ST3GAL6: variants seen among roughly 807,000 people sequenced by gnomAD.
The protein encoded by ST3GAL6 is ST3 beta-galactoside alpha-2,3-sialyltransferase 6, also known as type 2 lactosamine alpha-2,3-sialyltransferase.
ST3GAL6 carries 31 observed loss-of-function variants against 40.5 expected under a neutral mutation model. The ratio of observed to expected loss-of-function variants is 0.77; its 90% confidence interval spans 0.58 to 1.03. The LOEUF is 1.03. Among genes scored for constraint, ST3GAL6 ranks in the 50% least tolerant of loss-of-function variants. ST3GAL6 has a pLI of 0.00. For missense variants in ST3GAL6, 357 were observed against 393.2 expected, an observed-to-expected ratio of 0.91 and a Z score of 0.78; for synonymous variants, 129 against 136.9, an observed-to-expected ratio of 0.94 and a Z score of 0.40.
At chr3:98,784,756 C>T (rs1379890925) in intron 5 of ST3GAL6, among the ~76,000 whole-genome samples, 189 bp from the exon 6 acceptor site, 4 of 152,192 alleles carry the variant, frequency 2.6e-5, no homozygotes, top group Non-Finnish European at 4.4e-5. Context: ...TATGCTCTTC[C>T]TATAGAATGT....
chr3:98,761,175 T>C (rs1004167117), upstream of ST3GAL6, among the ~76,000 whole-genome samples: 41 of 152,126 alleles, frequency 2.7e-4, no homozygotes, highest in African/African-American at 9.9e-4. Flanking sequence ...CGAATTTTAG[T>C]GTATAAAAAT....
At chr3:98,748,476 A>AT (rs1167285236) in intron 1 of ST3GAL6, among the ~76,000 whole-genome samples, 1 of 151,998 alleles carries the variant, frequency 6.6e-6, no homozygotes. Context: ...GTATTTATTT[A>AT]TTTTTTTGAG....
intron 1 of ST3GAL6, among the ~76,000 whole-genome samples, chr3:98,741,087 T>TGTGTGTGTGAGC (rs1936049253): frequency 6.7e-6 from 1 of 149,008 alleles, no homozygotes; most frequent in South Asian, 2.2e-4. Context: ...TGTGTGTGCA[T>TGTGTGTGTGAGC]GCATGTATGT....
At chr3:98,758,354 C>A (rs1279646727), upstream of ST3GAL6, among the ~76,000 whole-genome samples, 1 of 152,104 alleles carries the variant, frequency 6.6e-6, no homozygotes, top group Non-Finnish European at 1.5e-5. Flanking sequence ...TTCATGAAAC[C>A]TATTTGCCAA....
chr3:98,791,898 C>G lies in ST3GAL6; in HGVS notation c.814C>G (p.His272Asp). 1 of 1,614,038 alleles carries G rather than the reference C, an allele frequency of 6.2e-7. No homozygotes were observed. The highest frequency in any genetic ancestry group is 8.5e-7 in the Non-Finnish European group (1 of 1,179,924). Residue 272 changes from histidine (H) to aspartate (D), a missense_variant, in exon 9 of 10, where the codon CAC (histidine) becomes GAC (aspartate). Physicochemically the swap from His to Asp is moderately conservative, Grantham distance 81. Coordinates refer to ENST00000483910, the MANE Select transcript of ST3GAL6 (RefSeq NM_001323368.2). ...CATCACATTGGCGTTTTACATATGT[C>G]ACGAAGTTCACCTAGCTGGTTTTAA... The part of the protein sequence containing the change: ...IAITLAFYIC[H>D]EVHLAGFKYN...
At chr3:98,780,142 A>C (rs1347314312) in intron 5 of ST3GAL6, among the ~76,000 whole-genome samples, 2 of 152,206 alleles carry the variant, frequency 1.3e-5, no homozygotes, top group Admixed American at 1.3e-4. Flanking sequence ...GTCCTTTCAG[A>C]GTATGGGGTA....
chr3:98,765,165 T>G (rs1302024829), intron 1 of ST3GAL6, among the ~76,000 whole-genome samples: 3 of 152,194 alleles, frequency 2.0e-5, no homozygotes, highest in Admixed American at 1.3e-4. Context: ...AGTCACCTCC[T>G]TTCACCAATA....
At chr3:98,768,189 C>T (rs762799932) in intron 1 of ST3GAL6, among the ~76,000 whole-genome samples, 130 of 152,176 alleles carry the variant, frequency 8.5e-4, no homozygotes, top group Admixed American at 2.7e-3. Flanking sequence ...CCTTTGAGAC[C>T]GTGGAACTGT....
rs892573210 is a variant in ST3GAL6, at chr3:98,733,400, G to A, written c.-12+868G>A. 3.7e-5 allele frequency: 38 copies of A among 1,024,592 alleles called. No homozygotes were observed. The African/African-American group carries it at 6.3e-4, about 17-fold the overall frequency. 63.5% of individuals were successfully genotyped at this position (1,024,592 alleles called of 1,614,324 possible). On this transcript the variant is annotated intron_variant, in intron 1 of 9. Coordinates refer to the ST3GAL6 transcript ENST00000265261. ...GCCGGCGAGGTTGTGCAATTGGGAA[G>A]CCAAGAGGAGTGTCCAGCTCCTCGT...
intron 1 of ST3GAL6, among the ~76,000 whole-genome samples, chr3:98,757,201 A>G (rs1302999098): frequency 6.6e-6 from 1 of 152,238 alleles, no homozygotes; most frequent in African/African-American, 2.4e-5. Context: ...GGTTCATCAG[A>G]GAATGATTAT....
intron 1 of ST3GAL6, among the ~76,000 whole-genome samples, chr3:98,752,623 C>T (rs1406856760): frequency 2.0e-5 from 3 of 152,156 alleles, no homozygotes; most frequent in Non-Finnish European, 4.4e-5. Flanking sequence ...AGGCACCCGC[C>T]ACCATGCCTG....
chr3:98,776,474 G>A (rs2107237646), intron 5 of ST3GAL6, among the ~76,000 whole-genome samples: 1 of 152,350 alleles, frequency 6.6e-6, no homozygotes, highest in East Asian at 1.9e-4. Context: ...CCCCTGGCTT[G>A]TGAATTTGTG....
chr3:98,788,317 T>G lies in ST3GAL6; in HGVS notation c.619-9T>G, dbSNP rs557338077. ...ACACTGTTCTATTCTCTATATTTTT[T>G]ACTTTCAGAACACTAATGGTTTTTG... On this transcript the variant is annotated splice_polypyrimidine_tract_variant and intron_variant, in intron 7 of 9. Coordinates refer to ENST00000483910, the MANE Select transcript of ST3GAL6 (RefSeq NM_001323368.2). 13 of 1,601,390 alleles carry G rather than the reference T, an allele frequency of 8.1e-6. 1 individual carries two copies. The Admixed American group carries it at 8.8e-5, about 11-fold the overall frequency.
At chr3:98,744,357 C>A (rs1443691709) in intron 1 of ST3GAL6, among the ~76,000 whole-genome samples, 1 of 152,178 alleles carries the variant, frequency 6.6e-6, no homozygotes, top group Admixed American at 6.5e-5. Flanking sequence ...TCCCTCTTCT[C>A]TGCATCCCCT....
chr3:98,778,399 G>A (rs959371946), intron 5 of ST3GAL6, among the ~76,000 whole-genome samples: 4 of 152,156 alleles, frequency 2.6e-5, no homozygotes, highest in Non-Finnish European at 4.4e-5. Context: ...AACTCTAAAC[G>A]GAATATCAAT....
intron 6 of ST3GAL6, among the ~76,000 whole-genome samples, chr3:98,786,696 T>G (rs566543843): frequency 1.7e-4 from 22 of 132,500 alleles, no homozygotes; most frequent in Admixed American, 4.9e-4. Flanking sequence ...TTTTTTTTTG[T>G]TTGTTTTCTT....
chr3:98,743,379 C>T (rs928806591), intron 1 of ST3GAL6, among the ~76,000 whole-genome samples: 1 of 151,868 alleles, frequency 6.6e-6, no homozygotes, highest in Non-Finnish European at 1.5e-5. Flanking sequence ...AAAGCAGCCT[C>T]TTAAGAATTC....
intron 5 of ST3GAL6, chr3:98,782,325 T>C (rs1207145210): frequency 7.1e-6 from 5 of 702,298 alleles, no homozygotes; most frequent in Middle Eastern, 2.3e-4. Context: ...AATTGATGTA[T>C]GCAAGATGTA....
At chr3:98,733,111 C>T in intron 1 of ST3GAL6, 1 of 1,335,688 alleles carries the variant, frequency 7.5e-7, no homozygotes, top group East Asian at 3.1e-5. Flanking sequence ...GCCTCTGAGG[C>T]TCAGGGTTGG....
Sources: allele counts gnomAD v4.1 joint callset (sites outside exome capture counted in the v4.1 genomes callset), GRCh38; gene constraint gnomAD v4.1.1; transcripts MANE v1.5; gene names NCBI Gene and HGNC (gene_info 2026-07-23, HGNC 2026-07-21).